Variants in TRMT13 observed in about 807,000 individuals in gnomAD.
TRMT13 encodes tRNA:m(4)X modification enzyme TRM13 homolog.
A neutral mutation model predicts 55.9 loss-of-function variants in TRMT13; 45 were observed. The ratio of observed to expected loss-of-function variants is 0.80; its 90% CI spans 0.63 to 1.03. The LOEUF (loss-of-function observed/expected upper bound fraction) is 1.03. Among genes scored for constraint, TRMT13 ranks in the 50% least tolerant of loss-of-function variants. The pLI, the probability that TRMT13 is intolerant of heterozygous loss-of-function variation, is 0.00. For missense variants in TRMT13, 513 were observed against 563.9 expected (o/e 0.91, Z 0.91); for synonymous variants, 183 against 196.3 (o/e 0.93, Z 0.57).
At position 100,140,306 on chromosome 1, in the gene TRMT13, T is replaced by C. The variant is rs1656432210; in HGVS notation, c.394+55T>C. 1.3e-5 allele frequency: 20 copies of C among 1,541,224 alleles called. No homozygotes were observed. The South Asian group carries it at 2.1e-4, about 17-fold the overall frequency. ...TATTTTAGAGTAATTAGGTGGTATA[T>C]GAGTTGATACCATTCTGGTTTAAAA... On this transcript the variant is annotated intron_variant, in intron 5 of 10. Coordinates refer to ENST00000370141, the MANE Select transcript of TRMT13 (RefSeq NM_019083.3).
chr1:100,136,464 A>G (rs1171386279), intron 1 of TRMT13, among the ~76,000 whole-genome samples: 1 of 152,240 alleles, frequency 6.6e-6, no homozygotes, highest in Non-Finnish European at 1.5e-5. Context: ...TTTTATTGCC[A>G]TAAAAATCAC....
At chr1:100,145,388 G>A (rs1469997410) in intron 9 of TRMT13, among the ~76,000 whole-genome samples, 1 of 152,186 alleles carries the variant, frequency 6.6e-6, no homozygotes, top group Non-Finnish European at 1.5e-5. Context: ...TTGACCTACA[G>A]TGGCCATTTC....
In TRMT13 at chr1:100,140,680, G is replaced by A. The variant is rs535127116; in HGVS notation, c.501+166G>A. ...TATACAAAAAATTGAGGGCATGGATGTGATTCTGAGTACCGTATATTAAAT... is the reference window on the plus strand; with the variant it reads ...TATACAAAAAATTGAGGGCATGGATATGATTCTGAGTACCGTATATTAAAT... On this transcript the variant is annotated intron_variant, in intron 6 of 10. Coordinates refer to ENST00000370141, the MANE Select transcript of TRMT13 (RefSeq NM_019083.3). The A allele has an allele frequency of 6.9e-5, 57 of 827,694 alleles. No homozygotes were observed. In the East Asian group the frequency reaches 1.5e-3, roughly 22 times the overall value. 51.3% of individuals were successfully genotyped at this position (827,694 alleles called of 1,614,324 possible). A position where few individuals can be genotyped will look rare whatever the true frequency, so the allele number is the denominator to read the frequency against.
intron 3 of TRMT13, among the ~76,000 whole-genome samples, chr1:100,138,116 T>C (rs889858691): frequency 6.6e-6 from 1 of 152,142 alleles, no homozygotes; most frequent in African/African-American, 2.4e-5. Flanking sequence ...AGAAAAGCGG[T>C]GGAATGATGA....
intron 7 of TRMT13, among the ~76,000 whole-genome samples, chr1:100,142,467 A>C (rs1656750339): frequency 6.6e-6 from 1 of 152,212 alleles, no homozygotes; most frequent in Non-Finnish European, 1.5e-5. Context: ...AGATGTTGGA[A>C]GCCACAAGAG....
At chr1:100,147,404 T>TC (rs1372936272) in intron 9 of TRMT13, among the ~76,000 whole-genome samples, 4 of 152,238 alleles carry the variant, frequency 2.6e-5, no homozygotes, top group African/African-American at 9.6e-5. Flanking sequence ...TTTCAACTCT[T>TC]CAGTTCATCA....
chr1:100,134,179 A>G (rs1359217552), intron 1 of TRMT13, among the ~76,000 whole-genome samples: 2 of 152,220 alleles, frequency 1.3e-5, no homozygotes, highest in Non-Finnish European at 2.9e-5. Flanking sequence ...TACAATTGAG[A>G]ACAAAGCATA....
In TRMT13 at chr1:100,149,597, T is replaced by A; in HGVS notation, c.*777T>A. The A allele has an allele frequency of 1.8e-6, 1 of 568,486 alleles. No homozygotes were observed. The highest frequency in any genetic ancestry group is 3.0e-6 in the Non-Finnish European group (1 of 333,250). 35.2% of individuals were successfully genotyped at this position (568,486 alleles called of 1,614,324 possible). ...CTTTTATCAGGTCATTTTTTATATATGTAGGCACAAACAATAAGTATGTTC... is the reference window on the plus strand; with the variant it reads ...CTTTTATCAGGTCATTTTTTATATAAGTAGGCACAAACAATAAGTATGTTC... On this transcript the variant is annotated 3_prime_UTR_variant, in exon 11 of 11. Coordinates refer to ENST00000370141, the MANE Select transcript of TRMT13 (RefSeq NM_019083.3).
At chr1:100,137,841 A>G (rs1656082454) in intron 3 of TRMT13, among the ~76,000 whole-genome samples, 1 of 152,170 alleles carries the variant, frequency 6.6e-6, no homozygotes. Flanking sequence ...ATAAGTTTAG[A>G]AAGTATTTTT....
At chr1:100,146,087 A>G (rs1387698834) in intron 9 of TRMT13, among the ~76,000 whole-genome samples, 2 of 152,020 alleles carry the variant, frequency 1.3e-5, no homozygotes, top group African/African-American at 4.8e-5. Flanking sequence ...TATTTCTACT[A>G]TATCTGGAAT....
At chr1:100,144,676 T>G (rs1205836504) in intron 9 of TRMT13, 1 of 152,300 alleles carries the variant, frequency 6.6e-6, no homozygotes, top group Non-Finnish European at 1.5e-5. Flanking sequence ...AGCCTTCAGC[T>G]TTGTTGTGTA....
In TRMT13 at chr1:100,133,334, C is replaced by A; in HGVS notation, c.147+19C>A. 1 of 1,612,634 alleles carries A rather than the reference C, an allele frequency of 6.2e-7. No individual in the cohort carries two copies. The highest frequency in any genetic ancestry group is 8.5e-7 in the Non-Finnish European group (1 of 1,179,344). ...CGCGGAGGTGTGGTATCGCCCTACTCTCTCAAGAGTCGGAAATAAGTATCC... is the reference window on the plus strand; with the variant it reads ...CGCGGAGGTGTGGTATCGCCCTACTATCTCAAGAGTCGGAAATAAGTATCC... On this transcript the variant is annotated intron_variant, in intron 1 of 10. Transcript: ENST00000370141.
chr1:100,141,431 A>G lies in TRMT13; in HGVS notation c.669+412A>G, dbSNP rs189967348. Reference sequence around the variant, plus strand: ...TGCAGCCTTGACCTCCTGGGCTCATATAATCCTCCCATTTCAGCCTCATGA... The same window carrying G: ...TGCAGCCTTGACCTCCTGGGCTCATGTAATCCTCCCATTTCAGCCTCATGA... On this transcript the variant is annotated intron_variant, in intron 7 of 10. Coordinates refer to ENST00000370141, the MANE Select transcript of TRMT13 (RefSeq NM_019083.3). Among the ~76,000 whole-genome samples, 6 of 152,254 alleles carry G rather than the reference A, an allele frequency of 3.9e-5. No homozygotes were observed. The East Asian group carries it at 7.7e-4, about 20-fold the overall frequency.
At chr1:100,142,841 A>AGCTAGTAG in intron 7 of TRMT13, 1 of 334,482 alleles carries the variant, frequency 3.0e-6, no homozygotes, top group Non-Finnish European at 5.5e-6. Context: ...AAGATAAAGG[A>AGCTAGTAG]GCTAGTAGAC....
chr1:100,141,387 T>C (rs965310563), intron 7 of TRMT13, among the ~76,000 whole-genome samples: 13 of 152,332 alleles, frequency 8.5e-5, no homozygotes, highest in Non-Finnish European at 1.3e-4. Flanking sequence ...TGAAGTACAG[T>C]GGCAGGATCG....
chr1:100,137,110 A>C, intron 3 of TRMT13, 25 bp downstream of exon 3: 2 of 1,581,870 alleles, frequency 1.3e-6, no homozygotes, highest in Non-Finnish European at 1.7e-6. Flanking sequence ...AGTAAAATTG[A>C]ATGGTGAAAT....
intron 9 of TRMT13, among the ~76,000 whole-genome samples, chr1:100,146,372 T>TATTCAATATTACTA (rs1657250362): frequency 2.0e-5 from 3 of 152,254 alleles, no homozygotes; most frequent in Non-Finnish European, 4.4e-5. Flanking sequence ...TTTGAATGAA[T>TATTCAATATTACTA]GAATAATCTT....
rs1221477052 is a variant in TRMT13 at position 100,136,907 on chromosome 1, T to C, written c.173T>C (p.Leu58Pro). ...AEEEDARKRI[L>P]CPLDPKHTVY... ...GAAGAAGATGCTCGGAAAAGAATCC[T>C]GTGTCCTTTAGATCCAAAACAGTAA... Residue 58 changes from leucine (L) to proline (P), a missense_variant, in exon 2 of 11, where the codon CTG becomes CCG. Leu to Pro is a moderately conservative substitution (Grantham distance 98, BLOSUM62 -3). Around this residue, in one of 3 missense-constraint regions of TRMT13, gnomAD observed 298 missense variants for 290.3 expected, o/e 1.03. Coordinates refer to ENST00000370141, the MANE Select transcript of TRMT13 (RefSeq NM_019083.3). 6 of 1,602,140 alleles carry C rather than the reference T, an allele frequency of 3.7e-6. No individual in the cohort carries two copies. Among genetic ancestry groups the C allele is most frequent in the African/African-American group, 1.3e-5 (1 of 74,352 alleles).
rs1170344520 is a variant in TRMT13 at position 100,148,337 on chromosome 1, A to G, written c.1250+11A>G. On this transcript the variant is annotated intron_variant, in intron 10 of 10. Coordinates refer to ENST00000370141, the MANE Select transcript of TRMT13 (RefSeq NM_019083.3). ...TGATTGTTTGCCTGGGTAAGAGACT[A>G]CTTTTGTAATGCATGATACTAAAGG... 9 of 1,608,162 alleles carry G rather than the reference A, an allele frequency of 5.6e-6. No individual in the cohort carries two copies. Among genetic ancestry groups the G allele is most frequent in the Non-Finnish European group, 5.9e-6 (7 of 1,176,812 alleles).
Sources: gnomAD v4.1 joint callset for allele counts (sites outside exome capture counted in the v4.1 genomes callset) on GRCh38, gnomAD v4.1.1 for gene constraint, gnomAD v4.1.1 regional missense constraint, MANE v1.5 for transcripts, NCBI Gene and HGNC (gene_info 2026-07-23, HGNC 2026-07-21) for gene names.